SEL1L3: variants seen among roughly 807,000 people sequenced by gnomAD.
SEL1L3 encodes SEL1L family member 3, also known as protein sel-1 homolog 3.
In SEL1L3, 76 loss-of-function variants were observed where a neutral mutation model predicts 142.8. The ratio of observed to expected loss-of-function variants is 0.53; its 90% CI spans 0.44 to 0.64. The LOEUF (loss-of-function observed/expected upper bound fraction) is 0.64, where lower values mean the gene tolerates loss of function less well. SEL1L3 is among the 30% of genes least tolerant of loss of function. The probability of loss-of-function intolerance (pLI) is 0.00; values close to 1 mark genes in which losing one functional copy is unlikely to be tolerated. For synonymous variants in SEL1L3, 504 were observed against 519.6 expected (o/e 0.97, Z 0.41); for missense variants, 1,262 against 1,381.7 (o/e 0.91, Z 1.37).
the SEL1L3 span, chr4:25,719,736 T>C: frequency 6.6e-6 from 1 of 152,308 alleles, no homozygotes; most frequent in South Asian, 2.1e-4. Flanking sequence ...GGAACAATAA[T>C]ATTTAGCATT....
At chr4:25,863,501 C>G (rs1386446228), upstream of SEL1L3, 2 of 702,612 alleles carry the variant, frequency 2.8e-6, no homozygotes, top group Admixed American at 2.0e-5. Flanking sequence ...GCTTTTTTGG[C>G]CGGGGCGCCA....
At position 25,754,397 on chromosome 4, in the gene SEL1L3, G is replaced by A. The variant is rs577710469; in HGVS notation, c.3259+3137C>T. 1.9e-3 allele frequency among the ~76,000 whole-genome samples: 287 copies of A among 150,334 alleles called. 1 individual carries two copies. Among genetic ancestry groups the A allele is most frequent in the Non-Finnish European group, 3.5e-3 (238 of 67,656 alleles). Reference sequence around the variant, plus strand: ...AGGGTCTCACTCTGTTGCCCAGGCTGGAGCGTGGTGGTGCAATTTCAGCTC... The same window carrying A: ...AGGGTCTCACTCTGTTGCCCAGGCTAGAGCGTGGTGGTGCAATTTCAGCTC... On this transcript the variant is annotated intron_variant, in intron 23 of 23. Coordinates refer to ENST00000399878, the MANE Select transcript of SEL1L3 (RefSeq NM_015187.5).
Position 25,758,528 on chromosome 4 carries a change from C to G in SEL1L3, c.3083+413G>C, listed in dbSNP as rs147332139. ...ATCGGATTGTTATTCTTTCCATTCT[C>G]GTGGAAATTTCTGGTCAGCCCTTGA... On this transcript the variant is annotated intron_variant, in intron 21 of 23. Transcript: ENST00000399878. 5.3e-5 allele frequency among the ~76,000 whole-genome samples: 8 copies of G among 152,234 alleles called. No homozygotes were observed. The East Asian group carries it at 1.3e-3, about 26-fold the overall frequency.
At chr4:25,769,117 A>G (rs1168559428) in intron 17 of SEL1L3, among the ~76,000 whole-genome samples, 1 of 152,184 alleles carries the variant, frequency 6.6e-6, no homozygotes, top group African/African-American at 2.4e-5. Context: ...AGGAGTTGAT[A>G]TTAATAACTC....
At chr4:25,729,366 A>G in the SEL1L3 span, among the ~76,000 whole-genome samples, 1 of 152,192 alleles carries the variant, frequency 6.6e-6, no homozygotes, top group Non-Finnish European at 1.5e-5. Flanking sequence ...CTTACCACGC[A>G]TGCACGTGAC....
chr4:25,805,126 C>T (rs1487639491), intron 9 of SEL1L3, among the ~76,000 whole-genome samples: 1 of 152,198 alleles, frequency 6.6e-6, no homozygotes, highest in Non-Finnish European at 1.5e-5. Flanking sequence ...TGTGTTTTAT[C>T]TCACAAACAG....
At position 25,788,447 on chromosome 4, in the gene SEL1L3, T is replaced by C; in HGVS notation, c.2077-83A>G. 4 of 1,409,112 alleles carry C rather than the reference T, an allele frequency of 2.8e-6. No individual in the cohort carries two copies. Among genetic ancestry groups the C allele is most frequent in the Non-Finnish European group, 3.9e-6 (4 of 1,020,634 alleles). 87.3% of individuals were successfully genotyped at this position (1,409,112 alleles called of 1,614,324 possible). ...ATTTTGAAAGGTGGGAGAGCAAACC[T>C]ACTTTACGATGTTTTAGATTGAGAA... On this transcript the variant is annotated intron_variant, in intron 12 of 23. Transcript: ENST00000399878. The surrounding 1 kb of genome is among the most constrained non-coding windows in gnomAD (Gnocchi z 5.3).
Position 25,847,329 on chromosome 4 carries a change from C to T in SEL1L3, c.698G>A (p.Arg233Gln), listed in dbSNP as rs373688085. ...EWNMGYIWNL[R>Q]ANRIPQCPLE... The stretch of plus-strand genomic sequence containing the variant: ...AGGACACTGTGGAATCCTGTTTGCC[C>T]GAAGGTTCCAAATATAACCCATGTT... The change falls in exon 2 of 24, where the codon CGG becomes CAG. Residue 233 changes from arginine (R) to glutamine (Q), a missense_variant. Physicochemically the swap from Arg to Gln is conservative, Grantham distance 43. Transcript: ENST00000399878. 3.0e-5 allele frequency: 49 copies of T among 1,613,558 alleles called. No individual in the cohort carries two copies. The South Asian group carries it at 3.5e-4, about 12-fold the overall frequency.
intron 2 of SEL1L3, among the ~76,000 whole-genome samples, chr4:25,845,379 C>T (rs1343816243): frequency 6.6e-6 from 1 of 152,016 alleles, no homozygotes; most frequent in Non-Finnish European, 1.5e-5. Context: ...GCCCATGGTC[C>T]CCGCTACTCA....
At chr4:25,806,277 TCCGC>T (rs932135810) in intron 9 of SEL1L3, among the ~76,000 whole-genome samples, 31 of 151,956 alleles carry the variant, frequency 2.0e-4, no homozygotes, top group Admixed American at 2.0e-3. Flanking sequence ...GACGTCGTGA[TCCGC>T]CCGCCTAGGC....
the SEL1L3 span, among the ~76,000 whole-genome samples, chr4:25,734,927 T>C: frequency 6.6e-6 from 1 of 152,170 alleles, no homozygotes; most frequent in African/African-American, 2.4e-5. Context: ...TTTTGTAATA[T>C]TTTGTCTGAT....
chr4:25,811,139 A>G (rs1713993105), intron 9 of SEL1L3, among the ~76,000 whole-genome samples: 1 of 152,118 alleles, frequency 6.6e-6, no homozygotes. Context: ...ATGGGTCCTG[A>G]ATTGGGTTTA....
intron 7 of SEL1L3, 125 bp from the exon 8 acceptor site, chr4:25,820,065 A>G: frequency 2.4e-6 from 2 of 827,486 alleles, no homozygotes; most frequent in Non-Finnish European, 1.9e-6. Context: ...GTTTGTACAC[A>G]TATCATCCAC....
At chr4:25,721,752 T>G in the SEL1L3 span, among the ~76,000 whole-genome samples, 8 of 152,136 alleles carry the variant, frequency 5.3e-5, no homozygotes, top group African/African-American at 1.4e-4. Flanking sequence ...TGTAGACAAA[T>G]GGAGGTTGAA....
rs1306997215 is a variant in SEL1L3 at position 25,818,204 on chromosome 4, C to T, written c.1498G>A (p.Glu500Lys). 3 of 1,607,128 alleles carry T rather than the reference C, an allele frequency of 1.9e-6. No individual in the cohort carries two copies. Among genetic ancestry groups the T allele is most frequent in the African/African-American group, 2.7e-5 (2 of 74,934 alleles). The part of the protein sequence containing the change: ...RPSMCRAFPW[E>K]KELKDKHPSL... ...GGGTGTTTGTCTTTCAGCTCCTTCT[C>T]CCAGGGGAAGGCTCTGCACATCGAG... The change falls in exon 9 of 24, where the codon GAG becomes AAG. Residue 500 changes from glutamate to lysine, a missense_variant. Coordinates refer to ENST00000399878, the MANE Select transcript of SEL1L3 (RefSeq NM_015187.5).
intron 17 of SEL1L3, among the ~76,000 whole-genome samples, 193 bp from the exon 18 acceptor site, chr4:25,768,023 G>A (rs1718877911): frequency 6.6e-6 from 1 of 152,096 alleles, no homozygotes; most frequent in Non-Finnish European, 1.5e-5. Flanking sequence ...CTTAAAGGCT[G>A]AACTCACAGA....
intron 23 of SEL1L3, 65 bp from the exon 24 acceptor site, chr4:25,748,629 C>T: frequency 6.5e-7 from 1 of 1,527,884 alleles, no homozygotes; most frequent in Non-Finnish European, 8.8e-7. Flanking sequence ...TGTACAACCA[C>T]ACCTAGAGAC....
chr4:25,843,551 G>A lies in SEL1L3; in HGVS notation c.733+3743C>T, dbSNP rs143859301. On this transcript the variant is annotated intron_variant, in intron 2 of 23. Transcript: ENST00000399878. ...CTTTCTTTCTGTGACTCCAGCGTGA[G>A]TCAGGCACACATGTGATTTGGGAGG... Among the ~76,000 whole-genome samples, 380 of 152,330 alleles carry A rather than the reference G, an allele frequency of 2.5e-3. 2 individuals carry two copies. Among genetic ancestry groups the A allele is most frequent in the African/African-American group, 8.5e-3 (355 of 41,568 alleles).
the SEL1L3 span, among the ~76,000 whole-genome samples, chr4:25,716,710 C>A: frequency 6.6e-6 from 1 of 152,044 alleles, no homozygotes; most frequent in Non-Finnish European, 1.5e-5. Flanking sequence ...AGTTGAAAAG[C>A]AAATGGTTTA....
Sources: gnomAD v4.1 joint callset for allele counts (sites outside exome capture counted in the v4.1 genomes callset) on GRCh38, gnomAD v4.1.1 for gene constraint, Gnocchi (gnomAD v3.1) non-coding constraint, MANE v1.5 for transcripts, NCBI Gene and HGNC (gene_info 2026-07-23, HGNC 2026-07-21) for gene names.